The following PPP1R9A variants were observed in gnomAD, a reference collection of about 807,000 sequenced individuals.
The protein encoded by PPP1R9A is protein phosphatase 1 regulatory subunit 9A.
PPP1R9A carries 59 observed loss-of-function variants against 141.9 expected under a neutral mutation model. The ratio of observed to expected loss-of-function variants is 0.42; its 90% confidence interval spans 0.34 to 0.52. The LOEUF (loss-of-function observed/expected upper bound fraction) is 0.52. PPP1R9A is among the 20% of genes least tolerant of loss of function. The probability of loss-of-function intolerance (pLI) is 0.10; values close to 1 mark genes in which losing one functional copy is unlikely to be tolerated. For synonymous variants in PPP1R9A, 500 were observed against 569.7 expected, an observed-to-expected ratio of 0.88 and a Z score of 1.74; for missense variants, 1,444 against 1,611.9, an observed-to-expected ratio of 0.90 and a Z score of 1.78.
intron 2 of PPP1R9A, among the ~76,000 whole-genome samples, chr7:95,034,238 C>T (rs1041445101): frequency 3.3e-5 from 5 of 151,410 alleles, no homozygotes; most frequent in African/African-American, 9.7e-5. Flanking sequence ...AGCTGTAGTC[C>T]CATTTAGCAA....
chr7:95,221,566 C>G (rs1794463371), intron 7 of PPP1R9A, among the ~76,000 whole-genome samples: 2 of 152,056 alleles, frequency 1.3e-5, no homozygotes, highest in South Asian at 4.1e-4. Context: ...GTTGGTTGTA[C>G]TTGTTACTAT....
At chr7:95,217,597 T>C (rs757491927) in intron 7 of PPP1R9A, among the ~76,000 whole-genome samples, 5 of 152,174 alleles carry the variant, frequency 3.3e-5, no homozygotes, top group Non-Finnish European at 5.9e-5. Flanking sequence ...ATCCGTCTGG[T>C]CCTGGACTTT....
chr7:95,270,414 A>G (rs1466933482), intron 14 of PPP1R9A, among the ~76,000 whole-genome samples: 3 of 152,076 alleles, frequency 2.0e-5, no homozygotes, highest in Admixed American at 2.0e-4. Context: ...CCCTAACAGG[A>G]GTTGGCGATT....
chr7:95,281,928 C>T (rs190883040), intron 16 of PPP1R9A, among the ~76,000 whole-genome samples: 46 of 152,198 alleles, frequency 3.0e-4, no homozygotes, highest in Middle Eastern at 3.4e-3. Context: ...AATGATCATC[C>T]GGTCCAGTTT....
intron 2 of PPP1R9A, among the ~76,000 whole-genome samples, chr7:95,098,596 C>G (rs1818352754): frequency 1.3e-5 from 2 of 152,066 alleles, no homozygotes; most frequent in Non-Finnish European, 2.9e-5. Flanking sequence ...CTTCCACCAC[C>G]CTGGGTAAAT....
At chr7:95,094,555 G>A (rs1318661051) in intron 2 of PPP1R9A, among the ~76,000 whole-genome samples, 6 of 152,160 alleles carry the variant, frequency 3.9e-5, no homozygotes, top group African/African-American at 4.8e-5. Flanking sequence ...AGAGGGAATA[G>A]GAAGGAGTGA....
chr7:94,954,246 TA>T, intron 2 of PPP1R9A, among the ~76,000 whole-genome samples: 1 of 152,202 alleles, frequency 6.6e-6, no homozygotes, highest in African/African-American at 2.4e-5. Context: ...TGTTTGTCAT[TA>T]GTTTTGTGTT....
chr7:95,203,377 C>G (rs1030056051), intron 6 of PPP1R9A, among the ~76,000 whole-genome samples: 2 of 152,048 alleles, frequency 1.3e-5, no homozygotes, highest in Non-Finnish European at 2.9e-5. Flanking sequence ...ATACTGTTTG[C>G]CATTCCTAGT....
intron 8 of PPP1R9A, among the ~76,000 whole-genome samples, chr7:95,244,861 T>A (rs1797907911): frequency 6.6e-6 from 1 of 152,176 alleles, no homozygotes; most frequent in Non-Finnish European, 1.5e-5. Context: ...TTATATGGGT[T>A]TTATCACTTA....
chr7:95,138,126 G>A (rs1161327459), intron 4 of PPP1R9A, among the ~76,000 whole-genome samples: 1 of 151,928 alleles, frequency 6.6e-6, no homozygotes, highest in Non-Finnish European at 1.5e-5. Context: ...TAGAGATGGG[G>A]TTTCACCGTA....
intron 5 of PPP1R9A, among the ~76,000 whole-genome samples, chr7:95,195,634 A>G (rs1836152357): frequency 6.6e-6 from 1 of 152,168 alleles, no homozygotes; most frequent in South Asian, 2.1e-4. Context: ...AATTTAAAAA[A>G]TGAAAAAGCA....
chr7:95,129,305 A>G (rs1014964580), intron 4 of PPP1R9A, among the ~76,000 whole-genome samples: 18 of 152,152 alleles, frequency 1.2e-4, no homozygotes, highest in Admixed American at 1.3e-4. Context: ...GTGATAGTGA[A>G]TGAACCTCAT....
chr7:95,244,354 G>A (rs532306104), intron 8 of PPP1R9A, among the ~76,000 whole-genome samples: 1 of 152,206 alleles, frequency 6.6e-6, no homozygotes, highest in East Asian at 1.9e-4. Flanking sequence ...TTCACAAGAA[G>A]GAAAATATTG....
Position 94,911,096 on chromosome 7 carries a change from G to A in PPP1R9A, c.983G>A (p.Ser328Asn). The A allele has an allele frequency of 6.2e-7, 1 of 1,614,186 alleles. No individual in the cohort carries two copies. The highest frequency in any genetic ancestry group is 8.5e-7 in the Non-Finnish European group (1 of 1,180,030). Residue 328 changes from serine to asparagine, a missense_variant, in exon 2 of 20, where the codon AGT (serine) becomes AAT (asparagine). Physicochemically the swap from Ser to Asn is conservative, Grantham distance 46. Coordinates refer to ENST00000433360, the MANE Select transcript of PPP1R9A (RefSeq NM_001166160.2). ...GGTCCTGAAGAACCTTGTGCTGAAA[G>A]TAAGGCAATGCCAAAGTCCGAAATC... ...KDGPEEPCAE[S>N]KAMPKSEIPS...
chr7:95,181,777 C>T (rs1005770380), intron 5 of PPP1R9A, among the ~76,000 whole-genome samples: 14 of 132,706 alleles, frequency 1.1e-4, no homozygotes, highest in Admixed American at 1.6e-4. Flanking sequence ...ATATATATTC[C>T]GTCACATATA....
intron 3 of PPP1R9A, among the ~76,000 whole-genome samples, chr7:95,115,067 A>G (rs1296419060): frequency 1.3e-5 from 2 of 152,114 alleles, no homozygotes; most frequent in African/African-American, 4.8e-5. Context: ...AGAGTAGTAT[A>G]TGTAAAAACA....
chr7:95,220,883 G>C (rs567298316), intron 7 of PPP1R9A, among the ~76,000 whole-genome samples: 1 of 152,188 alleles, frequency 6.6e-6, no homozygotes, highest in African/African-American at 2.4e-5. Context: ...GGGGCAGGTT[G>C]GGGCCAGTAA....
chr7:95,181,136 A>G lies in PPP1R9A; in HGVS notation c.1755-17213A>G, dbSNP rs557447382. On this transcript the variant is annotated intron_variant, in intron 5 of 19. Coordinates refer to ENST00000433360, the MANE Select transcript of PPP1R9A (RefSeq NM_001166160.2). ...ATGGAGCCAACGCAAATGCCCATCA[A>G]TCAAAGAGTCGATATAGAAACTGTG... Among the ~76,000 whole-genome samples, 89 of 149,856 alleles carry G rather than the reference A, an allele frequency of 5.9e-4. 1 individual carries two copies. Among genetic ancestry groups the G allele is most frequent in the African/African-American group, 2.1e-3 (88 of 40,974 alleles).
chr7:94,931,727 C>T (rs1013776917), intron 2 of PPP1R9A, among the ~76,000 whole-genome samples: 8 of 152,074 alleles, frequency 5.3e-5, no homozygotes, highest in South Asian at 2.1e-4. Flanking sequence ...TATAAGCATG[C>T]GCCACTACAT....
Sources: allele counts gnomAD v4.1 joint callset (sites outside exome capture counted in the v4.1 genomes callset), GRCh38; gene constraint gnomAD v4.1.1; transcripts MANE v1.5; gene names NCBI Gene and HGNC (gene_info 2026-07-23, HGNC 2026-07-21).